The following GUCD1 variants were observed in gnomAD, a reference collection of about 807,000 sequenced individuals.
GUCD1 encodes the protein protein GUCD1.
A neutral mutation model predicts 28.3 loss-of-function variants in GUCD1; 17 were observed. The ratio of observed to expected loss-of-function variants is 0.60; its 90% confidence interval spans 0.41 to 0.90. The LOEUF (loss-of-function observed/expected upper bound fraction) is 0.90, where lower values mean the gene tolerates loss of function less well. Among genes scored for constraint, GUCD1 ranks in the 40% least tolerant of loss-of-function variants. The pLI, the probability that GUCD1 is intolerant of heterozygous loss-of-function variation, is 0.00. For synonymous variants in GUCD1, 129 were observed against 123.3 expected, an observed-to-expected ratio of 1.05 and a Z score of -0.30; for missense variants, 279 against 305.5, an observed-to-expected ratio of 0.91 and a Z score of 0.65.
intron 3 of GUCD1, chr22:24,547,621 C>T (rs929215887): frequency 4.2e-5 from 16 of 383,186 alleles, no homozygotes; most frequent in African/African-American, 2.8e-4. Context: ...TAGGAAAGAA[C>T]GTAGGAAGTG....
intron 1 of GUCD1, among the ~76,000 whole-genome samples, chr22:24,554,499 A>G (rs2044976528): frequency 6.6e-6 from 1 of 152,216 alleles, no homozygotes; most frequent in Non-Finnish European, 1.5e-5. Flanking sequence ...AACGGCCAAG[A>G]CATTGAATAC....
chr22:24,555,699 C>T (rs1243212695), upstream of GUCD1: 3 of 1,550,644 alleles, frequency 1.9e-6, no homozygotes, highest in South Asian at 2.4e-5. Flanking sequence ...GGTCTGAGGG[C>T]CCAAGCCCCG....
upstream of GUCD1, chr22:24,555,243 CTTGAT>C (rs1429351709): frequency 1.5e-6 from 2 of 1,322,032 alleles, no homozygotes; most frequent in South Asian, 2.2e-5. Flanking sequence ...TCCCCAGCCT[CTTGAT>C]TTAAGTCTGC....
At chr22:24,550,429 T>C (rs1185253719) in intron 1 of GUCD1, among the ~76,000 whole-genome samples, 3 of 152,212 alleles carry the variant, frequency 2.0e-5, no homozygotes, top group Non-Finnish European at 4.4e-5. Flanking sequence ...CAAATGGGCT[T>C]GTGGCATGCA....
At chr22:24,555,280 CG>C (rs2045023126), upstream of GUCD1, 1 of 1,371,448 alleles carries the variant, frequency 7.3e-7, no homozygotes, top group Non-Finnish European at 9.4e-7. Flanking sequence ...GCCGCCTCAG[CG>C]TTGAGTGGCC....
chr22:24,547,707 G>A (rs2044763309), intron 3 of GUCD1: 1 of 573,346 alleles, frequency 1.7e-6, no homozygotes, highest in Admixed American at 3.0e-5. Context: ...CTCTGGGCAG[G>A]CCCGACTGCA....
chr22:24,547,028 G>C (rs1281793799), intron 3 of GUCD1, 23 bp from the exon 4 acceptor site: 1 of 1,575,236 alleles, frequency 6.3e-7, no homozygotes. Flanking sequence ...GAGGGGGATG[G>C]AGTGGCCACC....
Position 24,554,955 on chromosome 22 carries a change from C to G in GUCD1, c.37G>C (p.Glu13Gln). Residue 13 changes from glutamate (E) to glutamine (Q), a missense_variant, in exon 1 of 6, where the codon GAG becomes CAG. Physicochemically the swap from Glu to Gln is conservative, Grantham distance 29. Coordinates refer to ENST00000435822, the MANE Select transcript of GUCD1 (RefSeq NM_001284254.2). ...TEAEAAGPPL[E>Q]PGDFVQLPVP... Reference sequence around the variant, plus strand: ...CCCACAGAGAGGCACTGACCGGGCTCGAGCGGCGGCCCCGCTGCCTCCGCC... The same window carrying G: ...CCCACAGAGAGGCACTGACCGGGCTGGAGCGGCGGCCCCGCTGCCTCCGCC... The G allele has an allele frequency of 6.4e-7, 1 of 1,570,106 alleles. No individual in the cohort carries two copies. Among genetic ancestry groups the G allele is most frequent in the Non-Finnish European group, 8.6e-7 (1 of 1,161,146 alleles).
chr22:24,545,402 C>T (rs181271462), intron 4 of GUCD1, among the ~76,000 whole-genome samples: 1 of 152,188 alleles, frequency 6.6e-6, no homozygotes, highest in African/African-American at 2.4e-5. Context: ...AGCATGGGTT[C>T]AGATCATGGC....
In GUCD1 at chr22:24,543,978, G is replaced by C; in HGVS notation, c.492C>G (p.Val164=). ...VLHCDLCSSP[V]KYCCFTPSGH... ...CACTGGGGGTGAAGCAGCAGTACTT[G>C]ACAGGGCTGGAGCACAGGTCACAGT... Residue 164 remains valine, a synonymous_variant, in exon 5 of 6, where the codon GTC becomes GTG. Coordinates refer to ENST00000435822, the MANE Select transcript of GUCD1 (RefSeq NM_001284254.2). 6.2e-7 allele frequency: 1 copy of C among 1,613,996 alleles called. No homozygotes were observed. Among genetic ancestry groups the C allele is most frequent in the Non-Finnish European group, 8.5e-7 (1 of 1,179,952 alleles).
chr22:24,555,431 T>G (rs966815050), upstream of GUCD1: 1 of 1,143,534 alleles, frequency 8.7e-7, no homozygotes, highest in African/African-American at 1.6e-5. Flanking sequence ...AAGCCCCGCC[T>G]CTGCCGGGTC....
intron 1 of GUCD1, among the ~76,000 whole-genome samples, chr22:24,549,755 C>A (rs930002035): frequency 6.6e-6 from 1 of 152,210 alleles, no homozygotes; most frequent in African/African-American, 2.4e-5. Context: ...AACTCCTGAC[C>A]TCAGGTGATC....
chr22:24,547,467 G>A (rs956290810), intron 3 of GUCD1: 12 of 191,526 alleles, frequency 6.3e-5, no homozygotes, highest in Admixed American at 1.6e-4. Context: ...AAGAAAAGAT[G>A]GTATTTTGGT....
chr22:24,547,086 T>C, intron 3 of GUCD1, 81 bp from the exon 4 acceptor site: 2 of 1,123,722 alleles, frequency 1.8e-6, no homozygotes, highest in East Asian at 2.4e-5. Context: ...AAAGAGCGTG[T>C]TACAGAGGCA....
Position 24,555,062 on chromosome 22 carries a change from G to A in GUCD1, c.-71C>T. 1.5e-6 allele frequency: 2 copies of A among 1,356,576 alleles called. No individual in the cohort carries two copies. The highest frequency in any genetic ancestry group is 1.9e-6 in the Non-Finnish European group (2 of 1,050,388). The allele number at this position is 1,356,576 out of a possible 1,614,324, so 84.0% of individuals were successfully genotyped here. A position where few individuals can be genotyped will look rare whatever the true frequency, so the allele number is the denominator to read the frequency against. ...TACAGCTTCCGCTTCGGCTGGGGCG[G>A]GAGGGCGGTCGGTGCGTGTCGAGTT... On this transcript the variant is annotated 5_prime_UTR_variant, in exon 1 of 6. Coordinates refer to ENST00000435822, the MANE Select transcript of GUCD1 (RefSeq NM_001284254.2).
chr22:24,543,759 G>A, intron 5 of GUCD1, 83 bp downstream of exon 5: 3 of 1,530,566 alleles, frequency 2.0e-6, no homozygotes, highest in Non-Finnish European at 8.9e-7. Flanking sequence ...ACACTAGATT[G>A]AATGGGTGGG....
chr22:24,544,745 C>T (rs1003072362), intron 4 of GUCD1, among the ~76,000 whole-genome samples: 1 of 152,178 alleles, frequency 6.6e-6, no homozygotes, highest in Non-Finnish European at 1.5e-5. Context: ...GGCACAGTGG[C>T]TCACACCTGT....
At chr22:24,550,140 T>G (rs189572141) in intron 1 of GUCD1, among the ~76,000 whole-genome samples, 1 of 152,366 alleles carries the variant, frequency 6.6e-6, no homozygotes, top group Admixed American at 6.5e-5. Flanking sequence ...GGCTGTGGGC[T>G]GGGCAGCTGA....
At chr22:24,544,912 C>T (rs929067920) in intron 4 of GUCD1, among the ~76,000 whole-genome samples, 3 of 151,898 alleles carry the variant, frequency 2.0e-5, no homozygotes, top group Admixed American at 6.6e-5. Flanking sequence ...TCCAGCTACT[C>T]GGGAGACTGA....
Sources: allele counts gnomAD v4.1 joint callset (sites outside exome capture counted in the v4.1 genomes callset), GRCh38; gene constraint gnomAD v4.1.1; transcripts MANE v1.5; gene names NCBI Gene and HGNC (gene_info 2026-07-23, HGNC 2026-07-21).